The following ZNF280D variants were observed in gnomAD, a reference collection of about 807,000 sequenced individuals.
The protein encoded by ZNF280D is suppressor of hairy wing homolog 4.
ZNF280D carries 39 observed loss-of-function variants against 94.7 expected under a neutral mutation model. The ratio of observed to expected loss-of-function variants is 0.41; its 90% CI spans 0.32 to 0.54. ZNF280D has a LOEUF of 0.54. Ranked by LOEUF, ZNF280D falls within the 20% of genes least tolerant of loss-of-function variation. The pLI is 0.22. For missense variants in ZNF280D, 1,090 were observed against 1,149.3 expected (o/e 0.95, Z 0.75); for synonymous variants, 398 against 377.6 (o/e 1.05, Z -0.63).
intron 9 of ZNF280D, among the ~76,000 whole-genome samples, chr15:56,687,876 T>A (rs1268318186): frequency 6.6e-6 from 1 of 152,244 alleles, no homozygotes; most frequent in African/African-American, 2.4e-5. Flanking sequence ...ATAACTTTTT[T>A]AAGTTCCCTT....
chr15:56,713,058 T>C (rs919840206), intron 1 of ZNF280D, among the ~76,000 whole-genome samples: 22 of 151,930 alleles, frequency 1.4e-4, no homozygotes, highest in African/African-American at 4.6e-4. Context: ...AACTTCTACA[T>C]CTCCCCCAAT....
At chr15:56,640,393 G>A (rs1188808619) in intron 20 of ZNF280D, among the ~76,000 whole-genome samples, 8 of 152,050 alleles carry the variant, frequency 5.3e-5, no homozygotes, top group Non-Finnish European at 1.2e-4. Context: ...AAAGTGATGG[G>A]ATTACAGGTG....
In ZNF280D at chr15:56,689,428, G is replaced by C. The variant is rs766726433; in HGVS notation, c.542C>G (p.Ser181Cys). 1.9e-6 allele frequency: 3 copies of C among 1,577,728 alleles called. No individual in the cohort carries two copies. The highest frequency in any genetic ancestry group is 2.6e-6 in the Non-Finnish European group (3 of 1,163,208). ...CTTTGGATTAACATTATTTACTTCA[G>C]AAGTAGAAGGACGTTTTGATAAAAA... ...SSFLSKRPST[S>C]EVNNVNPKKP... is the part of the protein sequence containing the mutation. Residue 181 changes from serine (S) to cysteine (C), a missense_variant, in exon 8 of 22, where the codon TCT becomes TGT. Coordinates refer to ENST00000267807, the MANE Select transcript of ZNF280D (RefSeq NM_017661.4).
intron 19 of ZNF280D, chr15:56,653,970 T>C: frequency 7.1e-7 from 1 of 1,401,160 alleles, no homozygotes; most frequent in Non-Finnish European, 9.3e-7. Context: ...CAACTGCCTT[T>C]GTGTAAGAAA....
chr15:56,670,625 T>C (rs1405534318), intron 13 of ZNF280D, among the ~76,000 whole-genome samples: 2 of 152,112 alleles, frequency 1.3e-5, no homozygotes, highest in Admixed American at 6.6e-5. Context: ...ATGTCTTTGC[T>C]ATTGTGAATA....
At chr15:56,662,456 T>C (rs1467779582) in intron 16 of ZNF280D, among the ~76,000 whole-genome samples, 1 of 152,148 alleles carries the variant, frequency 6.6e-6, no homozygotes, top group East Asian at 1.9e-4. Context: ...CAGTTTGTAA[T>C]GTGCTAGGTG....
intron 14 of ZNF280D, 47 bp downstream of exon 14, chr15:56,668,776 T>A: frequency 6.7e-7 from 1 of 1,489,762 alleles, no homozygotes; most frequent in Non-Finnish European, 9.0e-7. Flanking sequence ...CAGGAGTTAA[T>A]TTCTATTATC....
chr15:56,677,735 A>G (rs2140970976), intron 11 of ZNF280D, 61 bp from the exon 12 acceptor site: 2 of 591,994 alleles, frequency 3.4e-6, no homozygotes, highest in African/African-American at 2.0e-5. Context: ...AATTAATTTT[A>G]TACATCTATA....
At chr15:56,665,844 A>C (rs1168300862) in intron 16 of ZNF280D, among the ~76,000 whole-genome samples, 1 of 152,196 alleles carries the variant, frequency 6.6e-6, no homozygotes, top group African/African-American at 2.4e-5. Flanking sequence ...CCATGGAAAA[A>C]CTATTTCCCA....
chr15:56,678,369 A>G (rs2140976400), intron 11 of ZNF280D, among the ~76,000 whole-genome samples: 2 of 152,336 alleles, frequency 1.3e-5, no homozygotes, highest in East Asian at 1.9e-4. Context: ...ATGAAGAGCA[A>G]TGATTTAATA....
Position 56,666,759 on chromosome 15 carries a change from G to C in ZNF280D, c.1773C>G (p.Ile591Met). ...NGSKSKYKPK[I>M]SNMQKKQSTL... ...TGCTTTGTTTCTTTTGCATATTAGA[G>C]ATTTTTGGTTTGTATTTAGATTTAC... The change falls in exon 15 of 22, where the codon ATC (isoleucine) becomes ATG (methionine). Residue 591 changes from isoleucine (I) to methionine (M), a missense_variant. Coordinates refer to ENST00000267807, the MANE Select transcript of ZNF280D (RefSeq NM_017661.4). 1 of 1,613,484 alleles carries C rather than the reference G, an allele frequency of 6.2e-7. No individual in the cohort carries two copies. The highest frequency in any genetic ancestry group is 1.1e-5 in the South Asian group (1 of 91,050).
At chr15:56,652,685 A>G in intron 19 of ZNF280D, 4 of 985,334 alleles carry the variant, frequency 4.1e-6, no homozygotes, top group Non-Finnish European at 4.8e-6. Context: ...TAGACATTAC[A>G]TCTTAGACGC....
chr15:56,644,605 A>C (rs1213064912), intron 19 of ZNF280D, among the ~76,000 whole-genome samples: 1 of 152,178 alleles, frequency 6.6e-6, no homozygotes, highest in East Asian at 1.9e-4. Flanking sequence ...ATCGTAGTAA[A>C]TGTTATCAAA....
chr15:56,725,013 A>C, intron 1 of ZNF280D: 1 of 352,270 alleles, frequency 2.8e-6, no homozygotes, highest in Non-Finnish European at 5.6e-6. Context: ...AAGCAGAGCA[A>C]GTAAAAAAAG....
intron 16 of ZNF280D, among the ~76,000 whole-genome samples, chr15:56,663,134 TTA>T (rs1345028831): frequency 2.7e-5 from 4 of 149,144 alleles, no homozygotes; most frequent in African/African-American, 9.9e-5. Context: ...AAAAAAAAAA[TTA>T]TCTGAGCATG....
chr15:56,668,010 A>G, intron 14 of ZNF280D: 1 of 362,146 alleles, frequency 2.8e-6, no homozygotes, highest in Non-Finnish European at 5.3e-6. Flanking sequence ...AGTGTTCTGC[A>G]TGTCTAGTCC....
intron 1 of ZNF280D, among the ~76,000 whole-genome samples, chr15:56,715,143 A>G (rs1688000929): frequency 6.6e-6 from 1 of 152,204 alleles, no homozygotes; most frequent in Non-Finnish European, 1.5e-5. Flanking sequence ...ATAACAGCCT[A>G]TGAACCAAAA....
intron 19 of ZNF280D, chr15:56,652,735 A>T: frequency 1.0e-6 from 1 of 985,184 alleles, no homozygotes; most frequent in Non-Finnish European, 1.2e-6. Context: ...AAGGTCTGCA[A>T]GTAGTATTGC....
At chr15:56,636,076 C>A (rs76030847) in intron 20 of ZNF280D, among the ~76,000 whole-genome samples, 1 of 152,254 alleles carries the variant, frequency 6.6e-6, no homozygotes, top group Non-Finnish European at 1.5e-5. Flanking sequence ...GTGTATTAAT[C>A]ACACACACTT....
Sources: gnomAD v4.1 joint callset for allele counts (sites outside exome capture counted in the v4.1 genomes callset) on GRCh38, gnomAD v4.1.1 for gene constraint, MANE v1.5 for transcripts, NCBI Gene and HGNC (gene_info 2026-07-23, HGNC 2026-07-21) for gene names.